The following DOK5 variants were observed in gnomAD, a reference collection of about 807,000 sequenced individuals.
The protein encoded by DOK5 is downstream of tyrosine kinase 5.
Under a neutral mutation model 43.3 loss-of-function variants are expected in DOK5, and 27 were observed. The ratio of observed to expected loss-of-function variants is 0.62; its 90% CI spans 0.46 to 0.86. The LOEUF (loss-of-function observed/expected upper bound fraction) is 0.86. Ranked by LOEUF, DOK5 falls within the 40% of genes least tolerant of loss-of-function variation. DOK5 has a pLI of 0.00. For missense variants in DOK5, 373 were observed against 392.9 expected, an observed-to-expected ratio of 0.95 and a Z score of 0.43; for synonymous variants, 146 against 140.1, an observed-to-expected ratio of 1.04 and a Z score of -0.30.
chr20:54,488,481 T>C (rs978462149), intron 1 of DOK5, among the ~76,000 whole-genome samples: 29 of 152,196 alleles, frequency 1.9e-4, no homozygotes, highest in African/African-American at 7.0e-4. Flanking sequence ...AACTTAACAA[T>C]TTTTCTTTAT....
At chr20:54,616,076 C>A (rs1986798738) in intron 6 of DOK5, among the ~76,000 whole-genome samples, 1 of 152,038 alleles carries the variant, frequency 6.6e-6, no homozygotes, top group Non-Finnish European at 1.5e-5. Flanking sequence ...GTTTCGACAG[C>A]CATAGAAAAC....
chr20:54,511,728 G>T (rs1460461581), intron 1 of DOK5, among the ~76,000 whole-genome samples: 1 of 152,190 alleles, frequency 6.6e-6, no homozygotes, highest in African/African-American at 2.4e-5. Flanking sequence ...CAGTGACATT[G>T]ATGGGACCTG....
At chr20:54,570,390 G>A (rs915741478) in intron 2 of DOK5, among the ~76,000 whole-genome samples, 3 of 152,146 alleles carry the variant, frequency 2.0e-5, no homozygotes, top group Non-Finnish European at 4.4e-5. Context: ...GATAATGGTA[G>A]GATAATTAAA....
chr20:54,560,810 C>T (rs762770616), intron 2 of DOK5, among the ~76,000 whole-genome samples: 25 of 151,988 alleles, frequency 1.6e-4, no homozygotes, highest in African/African-American at 2.2e-4. Flanking sequence ...TTAGTAGAGA[C>T]GGGGTTTCAC....
At chr20:54,545,544 A>G (rs1023866503) in intron 1 of DOK5, among the ~76,000 whole-genome samples, 3 of 152,204 alleles carry the variant, frequency 2.0e-5, no homozygotes, top group Non-Finnish European at 4.4e-5. Flanking sequence ...GAAGAGCAAA[A>G]GGCTGAGAGT....
At chr20:54,571,748 T>G (rs1297699516) in intron 2 of DOK5, among the ~76,000 whole-genome samples, 1 of 152,204 alleles carries the variant, frequency 6.6e-6, no homozygotes, top group Non-Finnish European at 1.5e-5. Flanking sequence ...TTTGCACTCT[T>G]CAGATCTTAT....
At chr20:54,572,094 T>C (rs1369034638) in intron 2 of DOK5, among the ~76,000 whole-genome samples, 1 of 152,228 alleles carries the variant, frequency 6.6e-6, no homozygotes, top group Non-Finnish European at 1.5e-5. Context: ...TTCAATTTTC[T>C]GTGTTTGAAT....
intron 2 of DOK5, among the ~76,000 whole-genome samples, chr20:54,585,967 C>CA (rs1162442276): frequency 2.6e-5 from 4 of 152,012 alleles, no homozygotes; most frequent in Admixed American, 6.6e-5. Context: ...ACTAAAAATA[C>CA]AAAAAAATTA....
chr20:54,642,565 A>AG lies in DOK5; in HGVS notation c.736-893_736-892insG, dbSNP rs1373310369. On this transcript the variant is annotated intron_variant, in intron 6 of 7. Coordinates refer to ENST00000262593, the MANE Select transcript of DOK5 (RefSeq NM_018431.5). The stretch of plus-strand genomic sequence containing the variant: ...CTAAAAATACAAAAAAAAAAAAAAA[A>AG]AAAGAAAAATTAGCCGGGCGTGGTG... Among the ~76,000 whole-genome samples the AG allele has an allele frequency of 4.8e-3, 703 of 147,172 alleles. 7 individuals carry two copies. Among genetic ancestry groups the AG allele is most frequent in the African/African-American group, 0.017 (652 of 37,974 alleles).
intron 2 of DOK5, among the ~76,000 whole-genome samples, chr20:54,568,311 C>G (rs1323778781): frequency 6.6e-5 from 10 of 152,218 alleles, no homozygotes; most frequent in Admixed American, 6.5e-4. Flanking sequence ...GCGTATACCT[C>G]TAAGATACAA....
At chr20:54,619,670 C>T (rs952215980) in intron 6 of DOK5, among the ~76,000 whole-genome samples, 7 of 152,080 alleles carry the variant, frequency 4.6e-5, no homozygotes, top group African/African-American at 1.7e-4. Context: ...TTTTTTGTCA[C>T]TTCTTTGTGT....
intron 1 of DOK5, among the ~76,000 whole-genome samples, chr20:54,481,136 A>ATCTG (rs1981697040): frequency 3.1e-5 from 1 of 32,584 alleles, no homozygotes; most frequent in African/African-American, 8.6e-5. Context: ...TCTATCATCT[A>ATCTG]TCTATCTATC....
At chr20:54,577,887 A>G (rs1985503453) in intron 2 of DOK5, among the ~76,000 whole-genome samples, 1 of 152,218 alleles carries the variant, frequency 6.6e-6, no homozygotes, top group Admixed American at 6.5e-5. Context: ...TGTATTGGCC[A>G]AAGCAAGTTG....
At chr20:54,646,602 T>A (rs1979442200) in intron 7 of DOK5, among the ~76,000 whole-genome samples, 1 of 152,188 alleles carries the variant, frequency 6.6e-6, no homozygotes, top group Admixed American at 6.5e-5. Context: ...ATTGAAGATT[T>A]AAAAGATGTT....
intron 1 of DOK5, among the ~76,000 whole-genome samples, chr20:54,512,035 C>T (rs1426529186): frequency 1.3e-5 from 2 of 152,102 alleles, no homozygotes; most frequent in Admixed American, 6.5e-5. Flanking sequence ...ACCTTATACA[C>T]ACCAACAGAG....
At chr20:54,578,490 A>G (rs1370066897) in intron 2 of DOK5, among the ~76,000 whole-genome samples, 1 of 152,220 alleles carries the variant, frequency 6.6e-6, no homozygotes, top group East Asian at 1.9e-4. Flanking sequence ...GTAACCAGGC[A>G]GGTAACAGCC....
intron 2 of DOK5, among the ~76,000 whole-genome samples, chr20:54,560,059 G>C (rs1446985088): frequency 6.6e-6 from 1 of 152,162 alleles, no homozygotes; most frequent in Admixed American, 6.5e-5. Context: ...TAGGATTCTA[G>C]CTTCCGCACA....
At chr20:54,578,628 G>T (rs33998726) in intron 2 of DOK5, among the ~76,000 whole-genome samples, 13,308 of 152,104 alleles carry the variant, frequency 0.087, 1,033 homozygotes, top group African/African-American at 0.21. Context: ...AATAAAATTT[G>T]ACTTCTCTTC....
intron 1 of DOK5, among the ~76,000 whole-genome samples, chr20:54,521,534 G>T (rs1983396313): frequency 6.6e-6 from 1 of 152,136 alleles, no homozygotes; most frequent in Admixed American, 6.6e-5. Flanking sequence ...AGGCATAAAA[G>T]AAATGTATAT....
Sources: allele counts gnomAD v4.1 joint callset (sites outside exome capture counted in the v4.1 genomes callset), GRCh38; gene constraint gnomAD v4.1.1; transcripts MANE v1.5; gene names NCBI Gene and HGNC (gene_info 2026-07-23, HGNC 2026-07-21).